The following ATF2 variants were observed in gnomAD, a reference collection of about 807,000 sequenced individuals.
ATF2 encodes cyclic AMP-dependent transcription factor ATF-2.
Under a neutral mutation model 60.6 loss-of-function variants are expected in ATF2, and 24 were observed. That is an observed-to-expected ratio of 0.40 (90% CI 0.29 to 0.56). The LOEUF (loss-of-function observed/expected upper bound fraction) is 0.56, where lower values mean the gene tolerates loss of function less well. Ranked by LOEUF, ATF2 falls within the 20% of genes least tolerant of loss-of-function variation. ATF2 has a pLI of 0.54. For synonymous variants in ATF2, 206 were observed against 215.4 expected, an observed-to-expected ratio of 0.96 and a Z score of 0.38; for missense variants, 433 against 607.7, an observed-to-expected ratio of 0.71 and a Z score of 3.02.
chr2:175,154,480 T>A (rs1359397849), intron 1 of ATF2, among the ~76,000 whole-genome samples: 9 of 151,712 alleles, frequency 5.9e-5, no homozygotes, highest in Non-Finnish European at 1.2e-4. Flanking sequence ...TAAACTTTTT[T>A]TTAAAAAAAA....
intron 4 of ATF2, among the ~76,000 whole-genome samples, chr2:175,125,614 G>A (rs934840081): frequency 2.6e-5 from 4 of 152,050 alleles, no homozygotes; most frequent in African/African-American, 7.2e-5. Flanking sequence ...AAGAAACTAA[G>A]TAGACATATA....
intron 1 of ATF2, among the ~76,000 whole-genome samples, chr2:175,162,828 C>T (rs934517765): frequency 1.1e-4 from 16 of 151,888 alleles, no homozygotes; most frequent in African/African-American, 2.7e-4. Context: ...AAAATTGTTC[C>T]GACACGTTTA....
chr2:175,123,706 A>G (rs1015133002), intron 4 of ATF2, among the ~76,000 whole-genome samples: 1 of 152,076 alleles, frequency 6.6e-6, no homozygotes, highest in African/African-American at 2.4e-5. Flanking sequence ...AATGCAAGGA[A>G]TATGTATTTA....
intron 2 of ATF2, among the ~76,000 whole-genome samples, chr2:175,149,249 T>A (rs1699149921): frequency 6.6e-6 from 1 of 152,162 alleles, no homozygotes; most frequent in African/African-American, 2.4e-5. Context: ...GTCAAAGTGC[T>A]GAGTTCTTCA....
At chr2:175,164,120 A>G (rs1700204652) in intron 1 of ATF2, among the ~76,000 whole-genome samples, 1 of 149,748 alleles carries the variant, frequency 6.7e-6, no homozygotes. Context: ...GTGAAAATGA[A>G]TACACCAGTT....
intron 10 of ATF2, among the ~76,000 whole-genome samples, chr2:175,105,938 G>A (rs1416962526): frequency 6.6e-6 from 1 of 152,064 alleles, no homozygotes; most frequent in Non-Finnish European, 1.5e-5. Context: ...AAAAAGTAAT[G>A]ACAATAAAAG....
chr2:175,113,840 T>C (rs1696370131), intron 9 of ATF2, among the ~76,000 whole-genome samples, 154 bp downstream of exon 9: 2 of 151,614 alleles, frequency 1.3e-5, no homozygotes, highest in African/African-American at 4.8e-5. Context: ...CCTTGAATGG[T>C]ATATGCTATT....
intron 3 of ATF2, among the ~76,000 whole-genome samples, chr2:175,131,492 C>T (rs376451399): frequency 2.0e-4 from 30 of 152,272 alleles, no homozygotes; most frequent in African/African-American, 7.2e-4. Flanking sequence ...AGACAAAAAG[C>T]AGAGACAAGC....
At chr2:175,160,246 A>G (rs545698910) in intron 1 of ATF2, among the ~76,000 whole-genome samples, 1 of 152,248 alleles carries the variant, frequency 6.6e-6, no homozygotes, top group African/African-American at 2.4e-5. Flanking sequence ...TTAGCTGGGT[A>G]TAGTAGCACA....
intron 2 of ATF2, among the ~76,000 whole-genome samples, chr2:175,139,526 G>A (rs62184518): frequency 0.038 from 5,820 of 152,088 alleles, 133 homozygotes; most frequent in Admixed American, 0.094. Context: ...ACAAAAATTA[G>A]TCGGGTGTGG....
intron 4 of ATF2, among the ~76,000 whole-genome samples, chr2:175,122,237 T>C (rs1468578638): frequency 1.3e-5 from 2 of 151,992 alleles, no homozygotes; most frequent in African/African-American, 4.8e-5. Flanking sequence ...TACCTCTAAC[T>C]TGGATAAGTT....
At chr2:175,081,773 T>C (rs1693773495) in intron 12 of ATF2, among the ~76,000 whole-genome samples, 1 of 152,198 alleles carries the variant, frequency 6.6e-6, no homozygotes. Flanking sequence ...TTTAGCAGGC[T>C]GACACGGTGG....
At chr2:175,086,528 T>A (rs936659672) in intron 12 of ATF2, among the ~76,000 whole-genome samples, 4 of 152,132 alleles carry the variant, frequency 2.6e-5, no homozygotes, top group Non-Finnish European at 5.9e-5. Context: ...ACTGAATTAG[T>A]TAGAAGAGAC....
chr2:175,139,383 AATAG>A (rs1698347876), intron 2 of ATF2, among the ~76,000 whole-genome samples: 2 of 152,190 alleles, frequency 1.3e-5, no homozygotes, highest in South Asian at 2.1e-4. Flanking sequence ...GTTTTAAAGA[AATAG>A]ATAGCCAGGC....
intron 1 of ATF2, among the ~76,000 whole-genome samples, chr2:175,161,931 T>C (rs973429134): frequency 6.6e-5 from 10 of 152,136 alleles, no homozygotes; most frequent in African/African-American, 2.4e-4. Context: ...CAGCTAATTT[T>C]TGTATTTTTA....
chr2:175,156,980 A>AT (rs1169412864), intron 1 of ATF2, among the ~76,000 whole-genome samples: 1 of 152,074 alleles, frequency 6.6e-6, no homozygotes, highest in Non-Finnish European at 1.5e-5. Context: ...GACACAGGGT[A>AT]TTTTTTTTCT....
intron 2 of ATF2, among the ~76,000 whole-genome samples, chr2:175,140,073 G>C (rs1472007435): frequency 6.6e-6 from 1 of 152,098 alleles, no homozygotes; most frequent in African/African-American, 2.4e-5. Context: ...ATAAATTTAA[G>C]TAACAAATAA....
intron 11 of ATF2, among the ~76,000 whole-genome samples, chr2:175,095,212 C>T (rs1225010287): frequency 6.6e-6 from 1 of 151,920 alleles, no homozygotes; most frequent in South Asian, 2.1e-4. Context: ...GATTCTCCTA[C>T]TCAGCCTCCC....
intron 10 of ATF2, among the ~76,000 whole-genome samples, chr2:175,103,490 C>T (rs1330538141): frequency 2.6e-5 from 4 of 151,922 alleles, no homozygotes; most frequent in Non-Finnish European, 4.4e-5. Flanking sequence ...CTGATTAGCT[C>T]GGCATGCAGA....
Sources: gnomAD v4.1 joint callset for allele counts (sites outside exome capture counted in the v4.1 genomes callset) on GRCh38, gnomAD v4.1.1 for gene constraint, MANE v1.5 for transcripts, NCBI Gene and HGNC (gene_info 2026-07-23, HGNC 2026-07-21) for gene names.